Variants in VPS41 observed in about 807,000 individuals in gnomAD.
VPS41 encodes the protein vacuolar protein sorting-associated protein 41 homolog.
Under a neutral mutation model 130.9 loss-of-function variants are expected in VPS41, and 85 were observed. The ratio of observed to expected loss-of-function variants is 0.65; its 90% CI spans 0.55 to 0.78. The LOEUF is 0.78. Among genes scored for constraint, VPS41 ranks in the 30% least tolerant of loss-of-function variants. VPS41 has a pLI of 0.00. For missense variants in VPS41, 874 were observed against 1,018.7 expected (o/e 0.86, Z 1.93); for synonymous variants, 335 against 332.9 (o/e 1.01, Z -0.07).
chr7:38,815,418 C>T (rs558096974), intron 7 of VPS41, among the ~76,000 whole-genome samples: 5 of 151,972 alleles, frequency 3.3e-5, no homozygotes, highest in East Asian at 1.9e-4. Context: ...AGCAAGACTC[C>T]GTCTCAAAAA....
chr7:38,811,385 C>T (rs1383397610), intron 7 of VPS41, among the ~76,000 whole-genome samples: 6 of 151,908 alleles, frequency 3.9e-5, no homozygotes, highest in African/African-American at 1.4e-4. Context: ...GAAAATGGTA[C>T]TTTTTAGTAC....
chr7:38,858,976 G>A (rs113542872), intron 4 of VPS41, among the ~76,000 whole-genome samples: 12 of 152,220 alleles, frequency 7.9e-5, no homozygotes, highest in African/African-American at 2.4e-4. Context: ...CTCCATGTGC[G>A]TTACTACCCC....
chr7:38,848,444 C>T (rs1194296751), intron 4 of VPS41, among the ~76,000 whole-genome samples: 2 of 152,018 alleles, frequency 1.3e-5, no homozygotes, highest in African/African-American at 4.8e-5. Flanking sequence ...AGTTTGCCTA[C>T]CCCATATACA....
chr7:38,736,589 A>G (rs1795772069), intron 25 of VPS41, among the ~76,000 whole-genome samples: 1 of 152,234 alleles, frequency 6.6e-6, no homozygotes, highest in Non-Finnish European at 1.5e-5. Flanking sequence ...CTGCCAGTAC[A>G]ATGAATGCAT....
intron 2 of VPS41, among the ~76,000 whole-genome samples, chr7:38,893,444 A>G (rs1479395519): frequency 2.0e-5 from 3 of 152,220 alleles, no homozygotes; most frequent in South Asian, 2.1e-4. Context: ...AAGAGCAATC[A>G]TCCCTAAGTA....
chr7:38,788,078 T>C (rs1784471577), intron 10 of VPS41, among the ~76,000 whole-genome samples: 2 of 152,222 alleles, frequency 1.3e-5, no homozygotes, highest in Non-Finnish European at 2.9e-5. Flanking sequence ...ATAACCATCA[T>C]GGTTTAGTGA....
intron 7 of VPS41, among the ~76,000 whole-genome samples, chr7:38,811,488 A>G (rs1784941340): frequency 6.6e-6 from 1 of 152,052 alleles, no homozygotes; most frequent in Non-Finnish European, 1.5e-5. Context: ...ACACAGTTAC[A>G]TGTTTCTAAA....
intron 2 of VPS41, among the ~76,000 whole-genome samples, chr7:38,887,214 T>C (rs751615048): frequency 1.6e-4 from 25 of 152,120 alleles, no homozygotes; most frequent in Non-Finnish European, 3.2e-4. Context: ...CAAAGGCCGG[T>C]AATAACTAAC....
chr7:38,901,410 T>C (rs1787140554), intron 1 of VPS41, among the ~76,000 whole-genome samples: 1 of 152,186 alleles, frequency 6.6e-6, no homozygotes, highest in African/African-American at 2.4e-5. Flanking sequence ...AGCATCTGCT[T>C]CTGATGAGGG....
rs572329488 is a variant in VPS41, at chr7:38,836,143, A to C, written c.247-5815T>G. Among the ~76,000 whole-genome samples the C allele has an allele frequency of 1.2e-3, 185 of 152,134 alleles. 3 individuals are homozygous for C. Among genetic ancestry groups the C allele is most frequent in the Admixed American group, 0.012 (185 of 15,290 alleles). ...CATTGGCTTAGTTACATTATTTTAT[A>C]GTTTTTATGTTTCCCCATTTCATTT... On this transcript the variant is annotated intron_variant, in intron 4 of 28. Transcript: ENST00000310301.
intron 18 of VPS41, among the ~76,000 whole-genome samples, chr7:38,757,669 T>C (rs1321353224): frequency 6.6e-6 from 1 of 152,084 alleles, no homozygotes; most frequent in Admixed American, 6.6e-5. Flanking sequence ...TTTTTTGGTT[T>C]TGGGCAAAAG....
intron 23 of VPS41, 78 bp from the exon 24 acceptor site, chr7:38,743,620 A>G: frequency 6.6e-7 from 1 of 1,525,626 alleles, no homozygotes. Context: ...CATATCTCTT[A>G]ATTTGTTTAC....
chr7:38,852,534 G>C (rs1785881837), intron 4 of VPS41, among the ~76,000 whole-genome samples: 1 of 152,178 alleles, frequency 6.6e-6, no homozygotes. Context: ...TTCATGTCTT[G>C]AGTGGCTAGA....
chr7:38,795,941 G>A (rs1784610617), intron 8 of VPS41, among the ~76,000 whole-genome samples: 1 of 152,124 alleles, frequency 6.6e-6, no homozygotes, highest in Non-Finnish European at 1.5e-5. Flanking sequence ...GTTCCACCAT[G>A]AAAAATGAAG....
At chr7:38,804,709 A>G (rs1435525500) in intron 7 of VPS41, among the ~76,000 whole-genome samples, 1 of 152,268 alleles carries the variant, frequency 6.6e-6, no homozygotes, top group Non-Finnish European at 1.5e-5. Flanking sequence ...CCTATGCAGT[A>G]TCTACCTACA....
At chr7:38,810,244 C>G (rs780440094) in intron 7 of VPS41, among the ~76,000 whole-genome samples, 2 of 152,016 alleles carry the variant, frequency 1.3e-5, no homozygotes, top group African/African-American at 4.8e-5. Flanking sequence ...AAAGTTTATG[C>G]CAGACAGAAC....
chr7:38,892,788 TCTCA>T (rs1443713082), intron 2 of VPS41, among the ~76,000 whole-genome samples: 1 of 152,130 alleles, frequency 6.6e-6, no homozygotes, highest in Non-Finnish European at 1.5e-5. Flanking sequence ...ATCTTTTTCC[TCTCA>T]CTGTTTATAC....
chr7:38,864,996 A>G (rs1393089158), intron 3 of VPS41, among the ~76,000 whole-genome samples: 1 of 152,092 alleles, frequency 6.6e-6, no homozygotes, highest in Non-Finnish European at 1.5e-5. Context: ...AACAAGCAGA[A>G]AAGGTGATAA....
chr7:38,808,713 C>T (rs186670541), intron 7 of VPS41, among the ~76,000 whole-genome samples: 2 of 152,232 alleles, frequency 1.3e-5, no homozygotes, highest in East Asian at 1.9e-4. Flanking sequence ...AAATACTATC[C>T]TAGAGATCCA....
Sources: allele counts gnomAD v4.1 joint callset (sites outside exome capture counted in the v4.1 genomes callset), GRCh38; gene constraint gnomAD v4.1.1; transcripts MANE v1.5; gene names NCBI Gene and HGNC (gene_info 2026-07-23, HGNC 2026-07-21).